The following SATL1 variants were observed in gnomAD, a reference collection of about 807,000 sequenced individuals.
The protein encoded by SATL1 is spermidine/spermine N1-acetyl transferase like 1.
In SATL1, 47 loss-of-function variants were observed where a neutral mutation model predicts 51.8. That is an observed-to-expected ratio of 0.91 (90% CI 0.72 to 1.16). The LOEUF (loss-of-function observed/expected upper bound fraction) is 1.16. Ranked by LOEUF, SATL1 falls within the 50% of genes most tolerant of loss-of-function variation. SATL1 has a pLI of 0.00. For synonymous variants in SATL1, 176 were observed against 182.4 expected (o/e 0.97, Z 0.28); for missense variants, 520 against 526.4 (o/e 0.99, Z 0.12).
intron 2 of SATL1, chrX:85,142,663 C>T (rs1468457737): frequency 9.0e-6 from 1 of 111,262 alleles, no homozygotes; most frequent in Non-Finnish European, 1.9e-5. Context: ...TTCTGAGACA[C>T]ACATGGGCTA....
At chrX:85,109,801 G>T (rs765480482) in intron 2 of SATL1, among the ~76,000 whole-genome samples, 76 of 111,075 alleles carry the variant, frequency 6.8e-4, no homozygotes, top group African/African-American at 2.3e-3. Flanking sequence ...CTGGGGTCAG[G>T]AGTTCGAGAC....
chrX:85,201,342 C>A (rs746644065), intron 2 of SATL1, among the ~76,000 whole-genome samples: 2 of 111,436 alleles, frequency 1.8e-5, no homozygotes, highest in South Asian at 7.5e-4. Context: ...GAGATTCTGG[C>A]TCTATTTTGC....
intron 2 of SATL1, among the ~76,000 whole-genome samples, chrX:85,192,957 CACTCT>C (rs766555758): frequency 2.6e-3 from 288 of 111,710 alleles, no homozygotes; most frequent in African/African-American, 9.1e-3. Context: ...TGTTTAACTT[CACTCT>C]ACTCTACTCT....
chrX:85,204,055 CTCTG>C (rs1199408153), intron 2 of SATL1, among the ~76,000 whole-genome samples: 1 of 112,216 alleles, frequency 8.9e-6, no homozygotes, highest in African/African-American at 3.2e-5. Flanking sequence ...CTCCATGTAG[CTCTG>C]TCTGTCAGAC....
intron 2 of SATL1, chrX:85,208,918 A>T (rs1435993902): frequency 1.8e-5 from 2 of 111,649 alleles, no homozygotes; most frequent in African/African-American, 6.5e-5. Context: ...CCCATTTGTC[A>T]ATTTTGGCTT....
chrX:85,145,935 CGCCTGG>C (rs1215446914), intron 2 of SATL1, among the ~76,000 whole-genome samples: 1 of 102,442 alleles, frequency 9.8e-6, no homozygotes, highest in Non-Finnish European at 2.0e-5. Flanking sequence ...CTCGCTCTGT[CGCCTGG>C]GCTGGAGTGC....
chrX:85,117,515 C>T (rs772776940), intron 2 of SATL1: 2 of 111,102 alleles, frequency 1.8e-5, no homozygotes, highest in African/African-American at 3.3e-5. Context: ...TGTTTTTTCT[C>T]TCCCTTTTAA....
At chrX:85,222,847 G>C (rs17278373) in intron 2 of SATL1, among the ~76,000 whole-genome samples, 12,196 of 111,041 alleles carry the variant, frequency 0.11, 573 homozygotes, top group South Asian at 0.17. Flanking sequence ...CCCATAAATA[G>C]GTTCTTCTCC....
At chrX:85,143,032 G>C (rs1926147196) in intron 2 of SATL1, 1 of 111,691 alleles carries the variant, frequency 9.0e-6, no homozygotes, top group Non-Finnish European at 1.9e-5. Context: ...TAAGGTCAGA[G>C]ATCTCTGGTT....
intron 2 of SATL1, among the ~76,000 whole-genome samples, chrX:85,134,506 GTATTGTTGGAGAGGCAGTCC>G (rs1925901596): frequency 9.0e-6 from 1 of 111,470 alleles, no homozygotes; most frequent in Non-Finnish European, 1.9e-5. Context: ...AAGAGTCTCA[GTATTGTTGGAGAGGCAGTCC>G]TATATATAGA....
At chrX:85,130,624 G>GT (rs908830315) in intron 2 of SATL1, among the ~76,000 whole-genome samples, 9 of 111,355 alleles carry the variant, frequency 8.1e-5, no homozygotes. Flanking sequence ...TTTTTTGAAG[G>GT]TTTTTTTGTG....
chrX:85,120,887 C>T (rs1793354360), intron 2 of SATL1, among the ~76,000 whole-genome samples: 2 of 111,202 alleles, frequency 1.8e-5, no homozygotes, highest in South Asian at 7.5e-4. Flanking sequence ...GATGATACTC[C>T]CAACATTGTA....
intron 1 of SATL1, among the ~76,000 whole-genome samples, chrX:85,238,475 C>A (rs1251465131): frequency 9.0e-6 from 1 of 111,523 alleles, no homozygotes; most frequent in Non-Finnish European, 1.9e-5. Flanking sequence ...ACAAACTTTC[C>A]ATGCTCTCAC....
At chrX:85,193,796 T>A (rs1329816641) in intron 2 of SATL1, among the ~76,000 whole-genome samples, 2 of 112,201 alleles carry the variant, frequency 1.8e-5, no homozygotes, top group African/African-American at 6.5e-5. Context: ...CCTGCATTAG[T>A]TTGCTAAGAA....
chrX:85,223,109 G>A (rs1928206101), intron 2 of SATL1, among the ~76,000 whole-genome samples: 1 of 111,274 alleles, frequency 9.0e-6, no homozygotes, highest in South Asian at 3.7e-4. Flanking sequence ...TTCTTCTATG[G>A]CTAAGCTTTT....
At chrX:85,149,066 A>G (rs1008244778) in intron 2 of SATL1, among the ~76,000 whole-genome samples, 3 of 111,686 alleles carry the variant, frequency 2.7e-5, no homozygotes, top group African/African-American at 9.8e-5. Context: ...GTATTCAGGA[A>G]ACCCATCTCA....
intron 2 of SATL1, among the ~76,000 whole-genome samples, chrX:85,187,769 C>T (rs982723026): frequency 9.0e-6 from 1 of 111,261 alleles, no homozygotes. Flanking sequence ...AAATATTGGC[C>T]TGTAGTTTTG....
At chrX:85,109,874 G>A (rs1170691370) in intron 2 of SATL1, among the ~76,000 whole-genome samples, 1 of 110,906 alleles carries the variant, frequency 9.0e-6, no homozygotes, top group Non-Finnish European at 1.9e-5. Context: ...GCTGGGCATG[G>A]TGGTGGGCAC....
At chrX:85,237,596 C>T (rs1374652396) in intron 1 of SATL1, among the ~76,000 whole-genome samples, 1 of 111,445 alleles carries the variant, frequency 9.0e-6, no homozygotes, top group African/African-American at 3.3e-5. Flanking sequence ...TATAAGACTT[C>T]AAGCTAATAA....
Sources: allele counts gnomAD v4.1 joint callset (sites outside exome capture counted in the v4.1 genomes callset), GRCh38; gene constraint gnomAD v4.1.1; transcripts MANE v1.5; gene names NCBI Gene and HGNC (gene_info 2026-07-23, HGNC 2026-07-21).